TAFA1: variants seen among roughly 807,000 people sequenced by gnomAD.
The protein encoded by TAFA1 is chemokine-like protein TAFA-1.
TAFA1 carries 4 observed loss-of-function variants against 18.5 expected under a neutral mutation model. That is an observed-to-expected ratio of 0.22 (90% CI 0.11 to 0.49). The LOEUF is 0.49. Among genes scored for constraint, TAFA1 ranks in the 20% least tolerant of loss-of-function variants. The pLI, the probability that TAFA1 is intolerant of heterozygous loss-of-function variation, is 0.98. For missense variants in TAFA1, 147 were observed against 169.0 expected (o/e 0.87, Z 0.72); for synonymous variants, 56 against 55.2 (o/e 1.01, Z -0.06).
rs988136604 is a variant in TAFA1, at chr3:68,145,528, C to T, written c.118+138784C>T. 2.0e-5 allele frequency: 23 copies of T among 1,179,012 alleles called. No individual in the cohort carries two copies. In the Admixed American group the frequency reaches 3.9e-4, roughly 20 times the overall value. The allele number at this position is 1,179,012 out of a possible 1,614,324, so 73.0% of individuals were successfully genotyped here. ...CAGTTGCAGGGGCCCTGGATGTTTC[C>T]TTTAACAAGTTTATTCCCTTATCAG... On this transcript the variant is annotated intron_variant, in intron 2 of 4. Transcript: ENST00000478136.
intron 2 of TAFA1, among the ~76,000 whole-genome samples, chr3:68,086,186 T>G (rs2064967870): frequency 1.3e-5 from 2 of 152,218 alleles, no homozygotes; most frequent in Admixed American, 6.5e-5. Flanking sequence ...TAAGGTCACT[T>G]CCTTTCCTTT....
intron 3 of TAFA1, among the ~76,000 whole-genome samples, chr3:68,470,758 TA>T (rs1295600975): frequency 6.6e-6 from 1 of 152,126 alleles, no homozygotes; most frequent in Non-Finnish European, 1.5e-5. Flanking sequence ...AAACAGAGCA[TA>T]AAAGTTCGGA....
intron 3 of TAFA1, among the ~76,000 whole-genome samples, chr3:68,510,743 T>C (rs2072833866): frequency 6.6e-6 from 1 of 152,138 alleles, no homozygotes; most frequent in South Asian, 2.1e-4. Context: ...CTGGGGAATT[T>C]TGACTCCCAA....
intron 2 of TAFA1, among the ~76,000 whole-genome samples, chr3:68,195,888 C>T (rs2066404299): frequency 6.6e-6 from 1 of 151,664 alleles, no homozygotes; most frequent in Admixed American, 6.6e-5. Context: ...GTAGTAGGTT[C>T]TTGATAAAAT....
chr3:68,056,376 A>G (rs1393572805), intron 2 of TAFA1, among the ~76,000 whole-genome samples: 1 of 152,150 alleles, frequency 6.6e-6, no homozygotes, highest in Non-Finnish European at 1.5e-5. Flanking sequence ...TTTTCCTGGG[A>G]CTGTCTTGGT....
At chr3:68,436,003 T>C (rs980796002) in intron 3 of TAFA1, among the ~76,000 whole-genome samples, 2 of 152,188 alleles carry the variant, frequency 1.3e-5, no homozygotes, top group African/African-American at 4.8e-5. Context: ...GACATTTGCA[T>C]TTTTTAAAAG....
At chr3:68,401,307 C>A (rs918183186) in intron 2 of TAFA1, among the ~76,000 whole-genome samples, 4 of 152,148 alleles carry the variant, frequency 2.6e-5, no homozygotes, top group Non-Finnish European at 4.4e-5. Context: ...CTTCTTGTAA[C>A]AAATCCAGAA....
At chr3:67,994,136 A>G in the TAFA1 span, among the ~76,000 whole-genome samples, 3 of 152,316 alleles carry the variant, frequency 2.0e-5, no homozygotes, top group East Asian at 1.9e-4. Flanking sequence ...GGCTGAGACT[A>G]TATATTTCTA....
intron 2 of TAFA1, among the ~76,000 whole-genome samples, chr3:68,082,956 T>G (rs1438462612): frequency 6.6e-6 from 1 of 152,240 alleles, no homozygotes; most frequent in East Asian, 1.9e-4. Context: ...GAGGAAGTAT[T>G]CTACCTACCC....
intron 3 of TAFA1, among the ~76,000 whole-genome samples, chr3:68,491,951 G>A (rs1339724953): frequency 6.6e-6 from 1 of 152,172 alleles, no homozygotes; most frequent in African/African-American, 2.4e-5. Context: ...GAGGAGCTCT[G>A]TTCTACATCA....
chr3:68,207,735 A>G (rs923893746), intron 2 of TAFA1, among the ~76,000 whole-genome samples: 1 of 151,992 alleles, frequency 6.6e-6, no homozygotes, highest in African/African-American at 2.4e-5. Flanking sequence ...AGTTGTAGTA[A>G]TTACTAATGT....
chr3:68,464,285 A>G (rs1167878510), intron 3 of TAFA1, among the ~76,000 whole-genome samples: 1 of 152,212 alleles, frequency 6.6e-6, no homozygotes, highest in East Asian at 1.9e-4. Context: ...TGCAAAAAGA[A>G]TATAAATGCA....
chr3:68,479,781 A>G (rs760473900), intron 3 of TAFA1, among the ~76,000 whole-genome samples: 2 of 152,226 alleles, frequency 1.3e-5, no homozygotes, highest in African/African-American at 2.4e-5. Context: ...GGGAGGCATA[A>G]TTAAATCAGT....
At chr3:68,535,085 T>A (rs1250265006) in intron 3 of TAFA1, among the ~76,000 whole-genome samples, 1 of 152,168 alleles carries the variant, frequency 6.6e-6, no homozygotes, top group Non-Finnish European at 1.5e-5. Flanking sequence ...GGGGTTTAAG[T>A]GGATAAGCAT....
chr3:68,334,766 A>G (rs1428242197), intron 2 of TAFA1, among the ~76,000 whole-genome samples: 1 of 152,172 alleles, frequency 6.6e-6, no homozygotes, highest in Admixed American at 6.5e-5. Flanking sequence ...ATTGAGACAC[A>G]TTGATATGGG....
At chr3:68,434,116 A>C (rs1249705492) in intron 3 of TAFA1, among the ~76,000 whole-genome samples, 1 of 152,184 alleles carries the variant, frequency 6.6e-6, no homozygotes, top group Admixed American at 6.6e-5. Context: ...AGGCTACAAT[A>C]ATCTCTATCA....
chr3:68,195,449 C>A (rs528231113), intron 2 of TAFA1, among the ~76,000 whole-genome samples: 1 of 150,086 alleles, frequency 6.7e-6, no homozygotes, highest in East Asian at 2.0e-4. Flanking sequence ...ACATTATGAC[C>A]ATTCTGTCTC....
At position 68,456,848 on chromosome 3, in the gene TAFA1, C is replaced by T. The variant is rs554144945; in HGVS notation, c.259+39428C>T. Among the ~76,000 whole-genome samples, 19 of 152,284 alleles carry T rather than the reference C, an allele frequency of 1.2e-4. No individual in the cohort carries two copies. The East Asian group carries it at 3.7e-3, about 29-fold the overall frequency. The stretch of plus-strand genomic sequence containing the variant: ...TTTATCTTGAAATGATAGGCAACTG[C>T]AGCTGCAGACCTCAATCAAGCAATT... On this transcript the variant is annotated intron_variant, in intron 3 of 4. Coordinates refer to ENST00000478136, the MANE Select transcript of TAFA1 (RefSeq NM_213609.4).
chr3:68,326,251 A>C (rs756256707), intron 2 of TAFA1, among the ~76,000 whole-genome samples: 1 of 152,188 alleles, frequency 6.6e-6, no homozygotes, highest in Non-Finnish European at 1.5e-5. Flanking sequence ...ATTGAACAAA[A>C]CCAACTTTTG....
Sources: allele counts gnomAD v4.1 joint callset (sites outside exome capture counted in the v4.1 genomes callset), GRCh38; gene constraint gnomAD v4.1.1; transcripts MANE v1.5; gene names NCBI Gene and HGNC (gene_info 2026-07-23, HGNC 2026-07-21).